The following SH3KBP1 variants were observed in gnomAD, a reference collection of about 807,000 sequenced individuals.
SH3KBP1 encodes the protein SH3 domain containing kinase binding protein 1, also known as SH3 domain-containing kinase-binding protein 1.
SH3KBP1 carries 8 observed loss-of-function variants against 50.1 expected under a neutral mutation model. That is an observed-to-expected ratio of 0.16 (90% CI 0.09 to 0.29). The LOEUF is 0.29. SH3KBP1 is among the 10% of genes least tolerant of loss of function. SH3KBP1 has a pLI of 1.00. For missense variants in SH3KBP1, 377 were observed against 535.2 expected (o/e 0.70, Z 2.92); for synonymous variants, 227 against 218.6 (o/e 1.04, Z -0.34).
intron 2 of SH3KBP1, among the ~76,000 whole-genome samples, chrX:19,779,020 G>C (rs2147101853): frequency 9.2e-6 from 1 of 109,173 alleles, no homozygotes; most frequent in African/African-American, 3.3e-5. Context: ...AGGTGGCTGG[G>C]TGCAGTGGCT....
At chrX:19,772,267 A>G (rs2065809848) in intron 2 of SH3KBP1, among the ~76,000 whole-genome samples, 1 of 111,611 alleles carries the variant, frequency 9.0e-6, no homozygotes, top group South Asian at 3.7e-4. Flanking sequence ...GAGTCTGTTC[A>G]TCTTCTGGGA....
intron 3 of SH3KBP1, among the ~76,000 whole-genome samples, chrX:19,716,696 C>T (rs191026685): frequency 3.6e-5 from 4 of 111,705 alleles, no homozygotes; most frequent in Non-Finnish European, 5.6e-5. Context: ...CCAGGAACCA[C>T]GCTTGGCATG....
intron 2 of SH3KBP1, among the ~76,000 whole-genome samples, chrX:19,794,063 C>A (rs1285768210): frequency 4.5e-5 from 5 of 110,052 alleles, no homozygotes; most frequent in Admixed American, 2.9e-4. Context: ...TACACCAGAA[C>A]GGTCCCCAGG....
intron 11 of SH3KBP1, among the ~76,000 whole-genome samples, chrX:19,591,650 C>T (rs2066753082): frequency 8.9e-6 from 1 of 111,882 alleles, no homozygotes; most frequent in South Asian, 3.7e-4. Context: ...TTTATCTGGA[C>T]GTGAATTTCA....
chrX:19,674,732 CAG>C (rs1385606537), intron 6 of SH3KBP1, among the ~76,000 whole-genome samples: 1 of 112,005 alleles, frequency 8.9e-6, no homozygotes, highest in Non-Finnish European at 1.9e-5. Context: ...ACAGCTAACA[CAG>C]ATATAGCAAA....
At chrX:19,857,149 G>A (rs2068669648) in intron 1 of SH3KBP1, among the ~76,000 whole-genome samples, 1 of 107,983 alleles carries the variant, frequency 9.3e-6, no homozygotes, top group African/African-American at 3.4e-5. Context: ...CAGGGTGAAA[G>A]CTGGGGTGCT....
chrX:19,578,792 C>T (rs754031098), intron 12 of SH3KBP1, among the ~76,000 whole-genome samples: 1 of 112,294 alleles, frequency 8.9e-6, no homozygotes, highest in East Asian at 2.8e-4. Context: ...AGGGATGTTA[C>T]TGCTCATGGA....
chrX:19,741,228 C>T (rs1724239898), intron 3 of SH3KBP1, among the ~76,000 whole-genome samples: 1 of 111,877 alleles, frequency 8.9e-6, no homozygotes. Context: ...TCAGTCATAC[C>T]CACATATCAA....
chrX:19,660,665 A>G (rs1044825603), intron 6 of SH3KBP1, among the ~76,000 whole-genome samples: 2 of 111,835 alleles, frequency 1.8e-5, no homozygotes, highest in African/African-American at 6.5e-5. Context: ...TTTTGGCTGC[A>G]TCCAAACTTA....
At chrX:19,757,629 G>A (rs1243998688) in intron 2 of SH3KBP1, among the ~76,000 whole-genome samples, 2 of 104,705 alleles carry the variant, frequency 1.9e-5, no homozygotes, top group Non-Finnish European at 3.9e-5. Flanking sequence ...TTCCCTACCC[G>A]CCTCTTATGT....
intron 12 of SH3KBP1, among the ~76,000 whole-genome samples, chrX:19,583,126 A>C (rs7051644): frequency 0.069 from 252 of 3,645 alleles, 1 homozygote; most frequent in African/African-American, 0.25. Flanking sequence ...GCTAATACAC[A>C]TTATTATTAT....
intron 3 of SH3KBP1, among the ~76,000 whole-genome samples, chrX:19,708,847 G>A (rs189242608): frequency 1.4e-4 from 16 of 111,596 alleles, no homozygotes; most frequent in East Asian, 5.6e-4. Flanking sequence ...AATGACAAAC[G>A]TCTGAAAACC....
At chrX:19,743,469 G>C (rs2064832026) in intron 3 of SH3KBP1, among the ~76,000 whole-genome samples, 1 of 110,913 alleles carries the variant, frequency 9.0e-6, no homozygotes, top group Non-Finnish European at 1.9e-5. Flanking sequence ...GAAAAAAAAA[G>C]CCCATGGAGT....
At chrX:19,820,860 C>A (rs768267026) in intron 2 of SH3KBP1, among the ~76,000 whole-genome samples, 7 of 110,924 alleles carry the variant, frequency 6.3e-5, no homozygotes, top group Non-Finnish European at 1.1e-4. Flanking sequence ...TACAGTTATA[C>A]TTTTAGTGAT....
chrX:19,734,767 T>C (rs1357714368), intron 3 of SH3KBP1, among the ~76,000 whole-genome samples: 1 of 112,278 alleles, frequency 8.9e-6, no homozygotes, highest in South Asian at 3.7e-4. Context: ...TTCATATCAA[T>C]GGAATCATAC....
intron 1 of SH3KBP1, among the ~76,000 whole-genome samples, chrX:19,864,463 G>A (rs777562927): frequency 8.9e-6 from 1 of 111,967 alleles, no homozygotes; most frequent in Non-Finnish European, 1.9e-5. Context: ...GTACCCACAA[G>A]GGTTCTTAAA....
At chrX:19,791,731 A>G (rs2066537097) in intron 2 of SH3KBP1, among the ~76,000 whole-genome samples, 1 of 111,445 alleles carries the variant, frequency 9.0e-6, no homozygotes, top group South Asian at 3.7e-4. Flanking sequence ...CGGTTAAGCA[A>G]CCTTCACTGG....
chrX:19,588,868 A>C, intron 11 of SH3KBP1, 66 bp from the exon 12 acceptor site: 1 of 909,079 alleles, frequency 1.1e-6, no homozygotes, highest in East Asian at 3.5e-5. Flanking sequence ...GATGCAGATC[A>C]CTCATTTCCT....
chrX:19,852,323 G>A (rs1028242541), intron 1 of SH3KBP1, among the ~76,000 whole-genome samples: 1 of 111,226 alleles, frequency 9.0e-6, no homozygotes, highest in African/African-American at 3.3e-5. Context: ...CTGTAGAGCT[G>A]AAACAAGCCC....
Sources: gnomAD v4.1 joint callset for allele counts (sites outside exome capture counted in the v4.1 genomes callset) on GRCh38, gnomAD v4.1.1 for gene constraint, MANE v1.5 for transcripts, NCBI Gene and HGNC (gene_info 2026-07-23, HGNC 2026-07-21) for gene names.